Variants in C1orf87 observed in about 807,000 individuals in gnomAD.
C1orf87 encodes the protein uncharacterized protein C1orf87.
Under a neutral mutation model 60.5 loss-of-function variants are expected in C1orf87, and 58 were observed. That is an observed-to-expected ratio of 0.96 (90% CI 0.78 to 1.19). C1orf87 has a LOEUF of 1.19. Ranked by LOEUF, C1orf87 falls within the 50% of genes most tolerant of loss-of-function variation. The pLI, the probability that C1orf87 is intolerant of heterozygous loss-of-function variation, is 0.00. For missense variants in C1orf87, 673 were observed against 638.6 expected (o/e 1.05, Z -0.58); for synonymous variants, 236 against 227.4 (o/e 1.04, Z -0.34).
chr1:60,009,594 A>G (rs1645068607), intron 9 of C1orf87, among the ~76,000 whole-genome samples: 2 of 151,878 alleles, frequency 1.3e-5, no homozygotes, highest in Non-Finnish European at 2.9e-5. Flanking sequence ...AGGTTTTTCC[A>G]CTTGGATACA....
intron 11 of C1orf87, among the ~76,000 whole-genome samples, chr1:59,997,254 G>A (rs1462434033): frequency 1.3e-5 from 2 of 152,138 alleles, no homozygotes; most frequent in Admixed American, 6.6e-5. Context: ...GAAGAGATTG[G>A]CCAGGTGGAT....
intron 7 of C1orf87, among the ~76,000 whole-genome samples, chr1:60,026,602 G>A: frequency 6.6e-6 from 1 of 151,226 alleles, no homozygotes; most frequent in East Asian, 1.9e-4. Flanking sequence ...AAGGAAGGAA[G>A]GGGAGAAGGA....
In C1orf87 at chr1:59,997,729, G is replaced by A; in HGVS notation, c.1360C>T (p.Pro454Ser). Reference sequence around the variant, plus strand: ...GGATTCACGAAGGGCTGGGAGACTGGCCTGATCTTTAAAGGTTTCAGAGGA... The same window carrying A: ...GGATTCACGAAGGGCTGGGAGACTGACCTGATCTTTAAAGGTTTCAGAGGA... ...KDPLKPLKIR[P>S]VSQPFVNPAV... The change falls in exon 11 of 12, where the codon CCA (proline) becomes TCA (serine). Residue 454 changes from proline (P) to serine (S), a missense_variant. By Grantham distance (74) the Pro-to-Ser change is moderately conservative. Coordinates refer to ENST00000371201, the MANE Select transcript of C1orf87 (RefSeq NM_152377.3). 1 of 1,613,940 alleles carries A rather than the reference G, an allele frequency of 6.2e-7. No individual in the cohort carries two copies. The highest frequency in any genetic ancestry group is 8.5e-7 in the Non-Finnish European group (1 of 1,179,908).
At chr1:60,071,640 T>G (rs1289571837) in intron 2 of C1orf87, among the ~76,000 whole-genome samples, 1 of 152,208 alleles carries the variant, frequency 6.6e-6, no homozygotes, top group African/African-American at 2.4e-5. Context: ...ACAGCAGTCT[T>G]GGTGACCTAC....
At chr1:60,056,707 T>A (rs1054210512) in intron 2 of C1orf87, among the ~76,000 whole-genome samples, 5 of 152,186 alleles carry the variant, frequency 3.3e-5, no homozygotes, top group Non-Finnish European at 5.9e-5. Flanking sequence ...TTACACTATA[T>A]CATGTCAGAT....
Position 59,990,495 on chromosome 1 carries a change from C to T in C1orf87, c.*178G>A. The T allele has an allele frequency of 1.6e-6, 1 of 627,112 alleles. No homozygotes were observed. The highest frequency in any genetic ancestry group is 2.6e-6 in the Non-Finnish European group (1 of 390,646). 38.8% of individuals were successfully genotyped at this position (627,112 alleles called of 1,614,324 possible). On this transcript the variant is annotated 3_prime_UTR_variant, in exon 12 of 12. Coordinates refer to ENST00000371201, the MANE Select transcript of C1orf87 (RefSeq NM_152377.3). ...CTAGGTTTCCTCTGATCACTTTGAACTGCTTATGAGTGAGCATCATAGCCA... is the reference window on the plus strand; with the variant it reads ...CTAGGTTTCCTCTGATCACTTTGAATTGCTTATGAGTGAGCATCATAGCCA...
At chr1:60,027,969 T>C (rs138604704) in intron 7 of C1orf87, among the ~76,000 whole-genome samples, 340 of 152,246 alleles carry the variant, frequency 2.2e-3, no homozygotes, top group African/African-American at 7.9e-3. Context: ...AGGGCTGGGA[T>C]TGGGTATCAT....
intron 2 of C1orf87, among the ~76,000 whole-genome samples, chr1:60,071,380 T>C (rs1019905158): frequency 3.3e-5 from 5 of 152,164 alleles, no homozygotes; most frequent in African/African-American, 1.2e-4. Flanking sequence ...GCCAAAGATG[T>C]TAATTCATTT....
chr1:60,063,565 C>G (rs774181147), intron 2 of C1orf87, among the ~76,000 whole-genome samples: 1 of 152,096 alleles, frequency 6.6e-6, no homozygotes, highest in Non-Finnish European at 1.5e-5. Context: ...ATTTCCTGCT[C>G]CTCTCCCCAT....
At chr1:60,038,248 G>A in intron 5 of C1orf87, 141 bp from the exon 6 acceptor site, 2 of 498,624 alleles carry the variant, frequency 4.0e-6, no homozygotes, top group Non-Finnish European at 3.6e-6. Flanking sequence ...ATAATTATTG[G>A]TGCTTTTTAG....
intron 7 of C1orf87, among the ~76,000 whole-genome samples, chr1:60,029,398 C>T (rs1294150032): frequency 6.6e-6 from 1 of 151,890 alleles, no homozygotes; most frequent in Non-Finnish European, 1.5e-5. Flanking sequence ...TTTTTTTTCC[C>T]ATTTGAATCT....
At chr1:59,996,534 AT>A (rs1644964736) in intron 11 of C1orf87, among the ~76,000 whole-genome samples, 1 of 152,180 alleles carries the variant, frequency 6.6e-6, no homozygotes, top group African/African-American at 2.4e-5. Context: ...ATCTTTCAAT[AT>A]CTGGCCCCAT....
At chr1:60,064,316 A>ATTT (rs1330389612) in intron 2 of C1orf87, among the ~76,000 whole-genome samples, 4 of 143,554 alleles carry the variant, frequency 2.8e-5, no homozygotes, top group Middle Eastern at 3.6e-3. Context: ...ATAATATATA[A>ATTT]ATTATATATT....
chr1:60,048,384 TG>T (rs1222723448), intron 3 of C1orf87, among the ~76,000 whole-genome samples: 1 of 152,172 alleles, frequency 6.6e-6, no homozygotes, highest in Non-Finnish European at 1.5e-5. Flanking sequence ...GGTGAAATTT[TG>T]CAAGACTTTG....
Position 60,055,368 on chromosome 1 carries a change from G to A in C1orf87, c.178C>T (p.Gln60Ter), listed in dbSNP as rs1645446389. 2.5e-6 allele frequency: 4 copies of A among 1,614,122 alleles called. No homozygotes were observed. The highest frequency in any genetic ancestry group is 3.4e-6 in the Non-Finnish European group (4 of 1,180,024). ...GGAACTGGGGTGTCTCTGCTCATCT[G>A]CCTTGCATTATCAGTCATTGGTTTC... ...HQKPMTDNAR[Q>*]MSRDTPVPIN... The change falls in exon 3 of 12, where the codon CAG becomes TAG. Residue 60 changes from glutamine (Q) to a stop codon, truncating the protein, a stop_gained. Transcript: ENST00000371201. LOFTEE classifies it high-confidence loss of function.
At chr1:60,027,274 C>G (rs1645204780) in intron 7 of C1orf87, among the ~76,000 whole-genome samples, 1 of 152,212 alleles carries the variant, frequency 6.6e-6, no homozygotes, top group Admixed American at 6.5e-5. Context: ...GATGCACTCA[C>G]AGAGCCACTA....
At chr1:60,042,389 T>C (rs1645331891) in intron 3 of C1orf87, among the ~76,000 whole-genome samples, 1 of 152,106 alleles carries the variant, frequency 6.6e-6, no homozygotes, top group South Asian at 2.1e-4. Context: ...TACCAGGTAA[T>C]AGAAGGGCGA....
chr1:59,997,474 G>T, intron 11 of C1orf87, 135 bp downstream of exon 11: 2 of 756,914 alleles, frequency 2.6e-6, no homozygotes, highest in Non-Finnish European at 4.3e-6. Flanking sequence ...TCTGGATTGT[G>T]CTCAGCACAT....
intron 3 of C1orf87, among the ~76,000 whole-genome samples, chr1:60,053,691 A>C (rs1645431489): frequency 6.6e-6 from 1 of 152,042 alleles, no homozygotes; most frequent in African/African-American, 2.4e-5. Flanking sequence ...GAAAACCACT[A>C]GTTTTCTTTA....
Sources: gnomAD v4.1 joint callset for allele counts (sites outside exome capture counted in the v4.1 genomes callset) on GRCh38, gnomAD v4.1.1 for gene constraint, MANE v1.5 for transcripts, NCBI Gene and HGNC (gene_info 2026-07-23, HGNC 2026-07-21) for gene names.